Variants in SIX5 observed in about 807,000 individuals in gnomAD.
SIX5 encodes the protein SIX homeobox 5.
SIX5 carries 21 observed loss-of-function variants against 37.1 expected under a neutral mutation model. The observed-to-expected ratio is 0.57, with a 90% confidence interval of 0.40 to 0.81. The LOEUF is 0.81. Among genes scored for constraint, SIX5 ranks in the 40% least tolerant of loss-of-function variants. SIX5 has a pLI of 0.00. For missense variants in SIX5, 1,137 were observed against 1,025.1 expected (o/e 1.11, Z -1.49); for synonymous variants, 626 against 505.9 (o/e 1.24, Z -3.19).
rs955690986 is a variant in SIX5, at chr19:45,769,084, G to A, written c.-240C>T. 6.1e-6 allele frequency: 3 copies of A among 493,500 alleles called. No homozygotes were observed. Among genetic ancestry groups the A allele is most frequent in the African/African-American group, 6.0e-5 (3 of 49,872 alleles). 30.6% of individuals were successfully genotyped at this position (493,500 alleles called of 1,614,324 possible). A position where few individuals can be genotyped will look rare whatever the true frequency, so the allele number is the denominator to read the frequency against. The stretch of plus-strand genomic sequence containing the variant: ...GTGATTCTCCCTTTGTTTTCCCTCC[G>A]CCTCTGGCCGCGCTTTCTGCCTCCC... On this transcript the variant is annotated 5_prime_UTR_variant, in exon 1 of 3. Coordinates refer to ENST00000317578, the MANE Select transcript of SIX5 (RefSeq NM_175875.5).
Position 45,768,050 on chromosome 19 carries a change from G to A in SIX5, c.795C>T (p.Pro265=), listed in dbSNP as rs772743151. 1.2e-5 allele frequency: 19 copies of A among 1,595,858 alleles called. No individual in the cohort carries two copies. Among genetic ancestry groups the A allele is most frequent in the East Asian group, 6.7e-5 (3 of 44,754 alleles). Residue 265 remains proline, a synonymous_variant, in exon 1 of 3, where the codon CCC becomes CCT. Coordinates refer to ENST00000317578, the MANE Select transcript of SIX5 (RefSeq NM_175875.5). ...RDRTGAGGGA[P]CKSESDGNPT... is the part of the protein sequence containing the mutation. ...CGCCCGAGGCCCCTCACCTCTTGCA[G>A]GGCGCGCCGCCTCCGGCCCCGGTCC... is the stretch of plus-strand genomic sequence containing the variant.
At chr19:45,768,004 C>A (rs1414643084) in intron 1 of SIX5, 38 bp downstream of exon 1, 1 of 1,583,180 alleles carries the variant, frequency 6.3e-7, no homozygotes, top group Admixed American at 1.7e-5. Context: ...CGGGATGTCC[C>A]CGGGAGAGCT....
rs1354144877 is a variant in SIX5, at chr19:45,765,790, A to C, written c.1931T>G (p.Leu644Arg). 1 of 1,606,312 alleles carries C rather than the reference A, an allele frequency of 6.2e-7. No individual in the cohort carries two copies. The highest frequency in any genetic ancestry group is 1.7e-5 in the Admixed American group (1 of 60,016). The change falls in exon 3 of 3, where the codon CTG (leucine) becomes CGG (arginine). Residue 644 changes from leucine (L) to arginine (R), a missense_variant. Physicochemically the swap from Leu to Arg is moderately radical, Grantham distance 102. Coordinates refer to ENST00000317578, the MANE Select transcript of SIX5 (RefSeq NM_175875.5). The part of the protein sequence containing the change: ...LPFSPDSPGL[L>R]PNFPAPPPEG... ...TGGTGGGGGCGCCGGGAAGTTGGGC[A>C]GGAGGCCAGGGGAGTCAGGGGAGAA... is the stretch of plus-strand genomic sequence containing the variant.
chr19:45,767,646 G>C (rs1005500400), intron 1 of SIX5: 1 of 301,964 alleles, frequency 3.3e-6, no homozygotes, highest in Admixed American at 4.7e-5. Context: ...GGGCCCGGAG[G>C]GAGTGTGGGG....
Position 45,765,947 on chromosome 19 carries a change from C to A in SIX5, c.1774G>T (p.Ala592Ser). Reference protein sequence around the residue: ...GLALPLKPETAISVPEGGLPV... With the variant: ...GLALPLKPETSISVPEGGLPV... ...AGGCCTCCCTCAGGCACGGAGATGG[C>A]CGTCTCTGGCTTCAGTGGCAGGGCC... The change falls in exon 3 of 3, where the codon GCC (alanine) becomes TCC (serine). Residue 592 changes from alanine (A) to serine (S), a missense_variant. Ala to Ser is a moderately conservative substitution (Grantham distance 99). Transcript: ENST00000317578. The A allele has an allele frequency of 6.3e-7, 1 of 1,594,870 alleles. No homozygotes were observed. Among genetic ancestry groups the A allele is most frequent in the South Asian group, 1.1e-5 (1 of 88,580 alleles).
chr19:45,765,760 C>T lies in SIX5; in HGVS notation c.1961G>A (p.Gly654Glu), dbSNP rs370880108. 6.2e-6 allele frequency: 10 copies of T among 1,610,418 alleles called. No homozygotes were observed. The African/African-American group carries it at 9.3e-5, about 15-fold the overall frequency. Residue 654 changes from glycine to glutamate, a missense_variant, in exon 3 of 3, where the codon GGG becomes GAG. By Grantham distance (98) the Gly-to-Glu change is moderately conservative. Coordinates refer to ENST00000317578, the MANE Select transcript of SIX5 (RefSeq NM_175875.5). Reference sequence around the variant, plus strand: ...CACGGCCGCGGGTGACAACATCAGCCCCTCTGGTGGGGGCGCCGGGAAGTT... The same window carrying T: ...CACGGCCGCGGGTGACAACATCAGCTCCTCTGGTGGGGGCGCCGGGAAGTT... ...LPNFPAPPPE[G>E]LMLSPAAVPV...
chr19:45,766,034 G>C lies in SIX5; in HGVS notation c.1687C>G (p.Leu563Val), dbSNP rs781343581. Reference protein sequence around the residue: ...GVALQQGKIILTATFPTSMLV... With the variant: ...GVALQQGKIIVTATFPTSMLV... Reference sequence around the variant, plus strand: ...ATGCTGGTGGGGAAGGTGGCGGTGAGGATGATCTTGCCCTGCTGCAGGGCC... The same window carrying C: ...ATGCTGGTGGGGAAGGTGGCGGTGACGATGATCTTGCCCTGCTGCAGGGCC... Residue 563 changes from leucine to valine, a missense_variant, in exon 3 of 3, where the codon CTC becomes GTC. By Grantham distance (32) the Leu-to-Val change is conservative. This residue lies in a region of SIX5 where 787 missense variants were observed against 621.4 expected (regional missense o/e 1.27). Transcript: ENST00000317578. 1 of 1,611,538 alleles carries C rather than the reference G, an allele frequency of 6.2e-7. No individual in the cohort carries two copies. The highest frequency in any genetic ancestry group is 1.1e-5 in the South Asian group (1 of 90,676).
At position 45,768,121 on chromosome 19, in the gene SIX5, G is replaced by A; in HGVS notation, c.724C>T (p.Leu242Phe). Reference sequence around the variant, plus strand: ...TTGAACCAGTTGCTGACCTGCGTGAGCGACAGGCCGGTGAGTGTGGCCAGG... The same window carrying A: ...TTGAACCAGTTGCTGACCTGCGTGAACGACAGGCCGGTGAGTGTGGCCAGG... ...RRLATLTGLS[L>F]TQVSNWFKNR... is the part of the protein sequence containing the mutation. Residue 242 changes from leucine (L) to phenylalanine (F), a missense_variant, in exon 1 of 3, where the codon CTC becomes TTC. Physicochemically the swap from Leu to Phe is conservative, Grantham distance 22. This residue lies in a region of SIX5 where 19 missense variants were observed against 42.8 expected (regional missense o/e 0.44). Coordinates refer to ENST00000317578, the MANE Select transcript of SIX5 (RefSeq NM_175875.5). The A allele has an allele frequency of 6.2e-7, 1 of 1,608,454 alleles. No homozygotes were observed. Among genetic ancestry groups the A allele is most frequent in the Non-Finnish European group, 8.5e-7 (1 of 1,178,930 alleles).
In SIX5 at chr19:45,765,865, G is replaced by A. The variant is rs1440730380; in HGVS notation, c.1856C>T (p.Ala619Val). The A allele has an allele frequency of 2.5e-6, 4 of 1,597,740 alleles. No individual in the cohort carries two copies. The highest frequency in any genetic ancestry group is 3.4e-6 in the Non-Finnish European group (4 of 1,177,124). The change falls in exon 3 of 3, where the codon GCA becomes GTA. Residue 619 changes from alanine to valine, a missense_variant. By Grantham distance (64) the Ala-to-Val change is moderately conservative. Around this residue, in one of 3 missense-constraint regions of SIX5, gnomAD observed 787 missense variants for 621.4 expected, o/e 1.27. Coordinates refer to ENST00000317578, the MANE Select transcript of SIX5 (RefSeq NM_175875.5). ...GGCAGCGGCGGGGGGTGGCTGCTGT[G>A]CAGAAAGGGTGCCTAGGGCGTGAGC... is the stretch of plus-strand genomic sequence containing the variant. ...PEAHALGTLS[A>V]QQPPPAAATT...
At position 45,768,425 on chromosome 19, in the gene SIX5, G is replaced by A. The variant is rs559272826; in HGVS notation, c.420C>T (p.Tyr140=). ...TCTCGAGTAGCCGGTAGAGCTCGGC[G>A]TACTCGCCCCGCTGGAAGGCCACCA... The part of the protein sequence containing the change: ...RALVAFQRGE[Y]AELYRLLESR... The change falls in exon 1 of 3, where the codon TAC becomes TAT. Residue 140 remains tyrosine (Y), a synonymous_variant. Transcript: ENST00000317578. 3.3e-5 allele frequency: 51 copies of A among 1,543,790 alleles called. No homozygotes were observed. The highest frequency in any genetic ancestry group is 2.6e-4 in the African/African-American group (19 of 73,388).
In SIX5 at chr19:45,768,470, C is replaced by T. The variant is rs147268086; in HGVS notation, c.375G>A (p.Pro125=). 3.9e-6 allele frequency: 6 copies of T among 1,526,734 alleles called. No individual in the cohort carries two copies. The highest frequency in any genetic ancestry group is 2.5e-5 in the East Asian group (1 of 40,196). 94.6% of individuals were successfully genotyped at this position (1,526,734 alleles called of 1,614,324 possible). A position where few individuals can be genotyped will look rare whatever the true frequency, so the allele number is the denominator to read the frequency against. ...CCACCAGGGCCCGCGCGCGCAACAC[C>T]GGGTCGCTGCCACGTAGGCGCTCGG... The part of the protein sequence containing the change: ...PPAERLRGSD[P]VLRARALVAF... Residue 125 remains proline, a synonymous_variant, in exon 1 of 3, where the codon CCG becomes CCA. Transcript: ENST00000317578.
rs770721644 is a variant in SIX5 at position 45,765,603 on chromosome 19, C to T, written c.2118G>A (p.Leu706=). 6 of 1,613,346 alleles carry T rather than the reference C, an allele frequency of 3.7e-6. No individual in the cohort carries two copies. The highest frequency in any genetic ancestry group is 5.1e-6 in the Non-Finnish European group (6 of 1,180,022). ...LPDPDPEGLL[L]GATAGGEVDE... Reference sequence around the variant, plus strand: ...CAACCTCACCCCCTGCGGTGGCCCCCAGGAGCAGCCCCTCAGGGTCGGGGT... The same window carrying T: ...CAACCTCACCCCCTGCGGTGGCCCCTAGGAGCAGCCCCTCAGGGTCGGGGT... Residue 706 remains leucine, a synonymous_variant, in exon 3 of 3, where the codon CTG becomes CTA. Transcript: ENST00000317578.
In SIX5 at chr19:45,767,841, G is replaced by A. The variant is rs559397081; in HGVS notation, c.803+201C>T. The A allele has an allele frequency of 1.3e-5, 8 of 594,198 alleles. No individual in the cohort carries two copies. In the Admixed American group the frequency reaches 1.8e-4, roughly 14 times the overall value. 36.8% of individuals were successfully genotyped at this position (594,198 alleles called of 1,614,324 possible). A position where few individuals can be genotyped will look rare whatever the true frequency, so the allele number is the denominator to read the frequency against. ...ATGGAGCCGCTGGAAGAGGAGACGC[G>A]TGCGGGGAGAGGGCCCGGGCGGGTG... On this transcript the variant is annotated intron_variant, in intron 1 of 2. Coordinates refer to ENST00000317578, the MANE Select transcript of SIX5 (RefSeq NM_175875.5).
At position 45,766,629 on chromosome 19, in the gene SIX5, G is replaced by A. The variant is rs757284491; in HGVS notation, c.1330C>T (p.Pro444Ser). ...TAATFPLPPG[P>S]VPAVAAPQVV... ...TGTGGGGCAGCCACAGCAGGCACTGGCCCCGGGGGCAGAGGAAAGGTGGCA... is the reference window on the plus strand; with the variant it reads ...TGTGGGGCAGCCACAGCAGGCACTGACCCCGGGGGCAGAGGAAAGGTGGCA... Residue 444 changes from proline (P) to serine (S), a missense_variant, in exon 2 of 3, where the codon CCA becomes TCA. By Grantham distance (74) the Pro-to-Ser change is moderately conservative (BLOSUM62 -1). Transcript: ENST00000317578. 6.8e-7 allele frequency: 1 copy of A among 1,473,292 alleles called. No individual in the cohort carries two copies. Among genetic ancestry groups the A allele is most frequent in the East Asian group, 2.5e-5 (1 of 40,198 alleles). The allele number at this position is 1,473,292 out of a possible 1,614,324, so 91.3% of individuals were successfully genotyped here. A position where few individuals can be genotyped will look rare whatever the true frequency, so the allele number is the denominator to read the frequency against.
rs776477555 is a variant in SIX5 at position 45,767,163 on chromosome 19, G to A, written c.804-8C>T. 5.0e-6 allele frequency: 8 copies of A among 1,610,950 alleles called. No individual in the cohort carries two copies. In the South Asian group the frequency reaches 5.5e-5, roughly 11 times the overall value. The stretch of plus-strand genomic sequence containing the variant: ...GGATTCCCATCAGACTCGCTGGCCG[G>A]AGAAATGGCTGTCAGCTGGGGTCCC... On this transcript the variant is annotated splice_polypyrimidine_tract_variant and splice_region_variant and intron_variant, in intron 1 of 2. Transcript: ENST00000317578.
rs1160508697 is a variant in SIX5 at position 45,766,395 on chromosome 19, C to T, written c.1564G>A (p.Gly522Arg). The change falls in exon 2 of 3, where the codon GGG (glycine) becomes AGG (arginine). Residue 522 changes from glycine (G) to arginine (R), a missense_variant. By Grantham distance (125) the Gly-to-Arg change is moderately radical (BLOSUM62 -2). This residue lies in a region of SIX5 where 787 missense variants were observed against 621.4 expected (regional missense o/e 1.27). Coordinates refer to ENST00000317578, the MANE Select transcript of SIX5 (RefSeq NM_175875.5). ...GPANVHLINS[G>R]VGVTALQLPS... ...AGCTGCAGGGCAGTCACGCCCACCC[C>T]GGAGTTGATGAGGTGCACATTGGCA... 14 of 1,588,734 alleles carry T rather than the reference C, an allele frequency of 8.8e-6. No homozygotes were observed. The highest frequency in any genetic ancestry group is 8.8e-5 in the Admixed American group (5 of 57,048).
In SIX5 at chr19:45,766,371, G is replaced by C. The variant is rs1555785172; in HGVS notation, c.1588C>G (p.Leu530Val). ...GTACCTGGGGCAGTGGCCGAAGGCAGCTGCAGGGCAGTCACGCCCACCCCG... is the reference window on the plus strand; with the variant it reads ...GTACCTGGGGCAGTGGCCGAAGGCACCTGCAGGGCAGTCACGCCCACCCCG... Reference protein sequence around the residue: ...NSGVGVTALQLPSATAPGNFL... With the variant: ...NSGVGVTALQVPSATAPGNFL... Residue 530 changes from leucine (L) to valine (V), a missense_variant, in exon 2 of 3, where the codon CTG (leucine) becomes GTG (valine). Physicochemically the swap from Leu to Val is conservative, Grantham distance 32 (BLOSUM62 1). Coordinates refer to ENST00000317578, the MANE Select transcript of SIX5 (RefSeq NM_175875.5). The C allele has an allele frequency of 6.3e-7, 1 of 1,589,868 alleles. No individual in the cohort carries two copies. Among genetic ancestry groups the C allele is most frequent in the Non-Finnish European group, 8.6e-7 (1 of 1,169,464 alleles).
intron 2 of SIX5, 77 bp downstream of exon 2, chr19:45,766,273 G>A: frequency 6.6e-7 from 1 of 1,504,708 alleles, no homozygotes; most frequent in Non-Finnish European, 9.0e-7. Flanking sequence ...GGAGCCCAGG[G>A]ACAGCCCCTC....
chr19:45,768,610 C>G lies in SIX5; in HGVS notation c.235G>C (p.Glu79Gln), dbSNP rs1346017313. The change falls in exon 1 of 3, where the codon GAA becomes CAA. Residue 79 changes from glutamate to glutamine, a missense_variant. Coordinates refer to ENST00000317578, the MANE Select transcript of SIX5 (RefSeq NM_175875.5). The part of the protein sequence containing the change: ...VPGSPPEAAS[E>Q]PPTGLRFSPE... ...GAGAAGCGGAGGCCCGTGGGCGGTT[C>G]GGAAGCGGCCTCGGGGGGCGACCCG... is the stretch of plus-strand genomic sequence containing the variant. 7.0e-6 allele frequency: 9 copies of G among 1,292,406 alleles called. No homozygotes were observed. Among genetic ancestry groups the G allele is most frequent in the African/African-American group, 1.6e-5 (1 of 64,450 alleles). The allele number at this position is 1,292,406 out of a possible 1,614,324, so 80.1% of individuals were successfully genotyped here.
Sources: allele counts gnomAD v4.1 joint callset, GRCh38; gene constraint gnomAD v4.1.1; regional missense constraint gnomAD v4.1.1; transcripts MANE v1.5; gene names NCBI Gene and HGNC (gene_info 2026-07-23, HGNC 2026-07-21).